TRABD2A: variants seen among roughly 807,000 people sequenced by gnomAD.
TRABD2A encodes metalloprotease TIKI1.
A neutral mutation model predicts 45.6 loss-of-function variants in TRABD2A; 43 were observed. The observed-to-expected ratio is 0.94, with a 90% CI of 0.74 to 1.22. TRABD2A has a LOEUF of 1.22. Among genes scored for constraint, TRABD2A ranks in the 50% most tolerant of loss-of-function variants. The pLI, the probability that TRABD2A is intolerant of heterozygous loss-of-function variation, is 0.00. For synonymous variants in TRABD2A, 269 were observed against 265.0 expected (o/e 1.02, Z -0.15); for missense variants, 642 against 652.4 (o/e 0.98, Z 0.17).
In TRABD2A at chr2:84,870,647, T is replaced by C; in HGVS notation, c.247A>G (p.Ile83Val). ...GTGAGATCCAACTCAAAGTACACAA[T>C]GCTGCTCTGCAGGAAAGCCTCCTTA... Reference protein sequence around the residue: ...NSKEAFLQSSIVYFELDLTDP... With the variant: ...NSKEAFLQSSVVYFELDLTDP... Residue 83 changes from isoleucine to valine, a missense_variant, in exon 2 of 7, where the codon ATT becomes GTT. By Grantham distance (29) the Ile-to-Val change is conservative. Transcript: ENST00000409520. The C allele has an allele frequency of 6.2e-7, 1 of 1,611,966 alleles. No homozygotes were observed. Among genetic ancestry groups the C allele is most frequent in the Non-Finnish European group, 8.5e-7 (1 of 1,179,022 alleles).
chr2:84,868,616 A>G (rs1682771318), intron 2 of TRABD2A, among the ~76,000 whole-genome samples: 1 of 152,186 alleles, frequency 6.6e-6, no homozygotes, highest in Admixed American at 6.5e-5. Flanking sequence ...GCATGTATAT[A>G]TATGTAACAA....
Position 84,841,868 on chromosome 2 carries a change from C to A in TRABD2A, c.809G>T (p.Ser270Ile). The change falls in exon 3 of 7, where the codon AGC becomes ATC. Residue 270 changes from serine (S) to isoleucine (I), a missense_variant. By Grantham distance (142) the Ser-to-Ile change is moderately radical. Coordinates refer to ENST00000409520, the MANE Select transcript of TRABD2A (RefSeq NM_001277053.2). ...DLSSVILSHD[S>I]SQVPNFINAT... ...GGGGGAAAGGGTGCTCACCTGGGAG[C>A]TGTCATGGCTGAGGATGACGGAGCT... is the stretch of plus-strand genomic sequence containing the variant. 6.5e-7 allele frequency: 1 copy of A among 1,531,020 alleles called. No homozygotes were observed. The highest frequency in any genetic ancestry group is 8.8e-7 in the Non-Finnish European group (1 of 1,139,874). The allele number at this position is 1,531,020 out of a possible 1,614,324, so 94.8% of individuals were successfully genotyped here. A position where few individuals can be genotyped will look rare whatever the true frequency, so the allele number is the denominator to read the frequency against.
rs1303250475 is a variant in TRABD2A at position 84,840,754 on chromosome 2, A to T, written c.816+1107T>A. 2.6e-5 allele frequency among the ~76,000 whole-genome samples: 4 copies of T among 150,950 alleles called. No individual in the cohort carries two copies. In the East Asian group the frequency reaches 5.8e-4, roughly 22 times the overall value. On this transcript the variant is annotated intron_variant, in intron 3 of 6. Transcript: ENST00000409520. ...CAGGTAAGATTTATCACCACCACCA[A>T]CTCTATTTTTCCTTCTTTAATGTGT... is the stretch of plus-strand genomic sequence containing the variant.
chr2:84,846,563 C>T (rs1325288786), intron 2 of TRABD2A, among the ~76,000 whole-genome samples: 1 of 152,220 alleles, frequency 6.6e-6, no homozygotes, highest in African/African-American at 2.4e-5. Flanking sequence ...AAACACCAAA[C>T]ACAGTGGTCG....
chr2:84,833,151 T>C (rs746838442), intron 4 of TRABD2A: 2 of 152,162 alleles, frequency 1.3e-5, no homozygotes, highest in Non-Finnish European at 2.9e-5. Flanking sequence ...AAAGGGAAGT[T>C]TGGCAAAACC....
intron 2 of TRABD2A, among the ~76,000 whole-genome samples, chr2:84,858,249 C>T (rs921252148): frequency 6.6e-6 from 1 of 152,014 alleles, no homozygotes; most frequent in African/African-American, 2.4e-5. Flanking sequence ...TTTCCCAGCC[C>T]CACACTCTAG....
Position 84,870,786 on chromosome 2 carries a change from C to A in TRABD2A, c.109-1G>T. ...ACAAGAAGGAATTCAGCTCGCTTTG[C>A]TGAAAAGAAAAGAGGTAACATCAAG... On this transcript the variant is annotated splice_acceptor_variant, in intron 1 of 6. Transcript: ENST00000409520. LOFTEE classifies it high-confidence loss of function. 1 of 1,567,408 alleles carries A rather than the reference C, an allele frequency of 6.4e-7. No individual in the cohort carries two copies.
intron 2 of TRABD2A, among the ~76,000 whole-genome samples, chr2:84,847,167 T>C (rs921984010): frequency 1.3e-5 from 2 of 152,296 alleles, no homozygotes; most frequent in African/African-American, 4.8e-5. Flanking sequence ...GAAATCTCCA[T>C]GGGCACCACA....
intron 2 of TRABD2A, among the ~76,000 whole-genome samples, chr2:84,847,783 G>C (rs1448821469): frequency 6.6e-6 from 1 of 152,200 alleles, no homozygotes; most frequent in East Asian, 1.9e-4. Flanking sequence ...AAATTGAGTA[G>C]CTTAAACAAC....
chr2:84,869,528 G>A (rs1682799075), intron 2 of TRABD2A, among the ~76,000 whole-genome samples: 1 of 152,218 alleles, frequency 6.6e-6, no homozygotes, highest in East Asian at 1.9e-4. Context: ...AAGAGGGACA[G>A]TAGTGACCTC....
chr2:84,821,747 G>A lies in TRABD2A; in HGVS notation c.*170C>T, dbSNP rs1681004762. On this transcript the variant is annotated 3_prime_UTR_variant, in exon 7 of 7. Transcript: ENST00000409520. Reference sequence around the variant, plus strand: ...AACTGTACACCTGCCCCCAAAGTTGGATAACCCAAAGTCACATTCCTTGGA... The same window carrying A: ...AACTGTACACCTGCCCCCAAAGTTGAATAACCCAAAGTCACATTCCTTGGA... 1 of 592,946 alleles carries A rather than the reference G, an allele frequency of 1.7e-6. No homozygotes were observed. 36.7% of individuals were successfully genotyped at this position (592,946 alleles called of 1,614,324 possible).
rs1298806357 is a variant in TRABD2A at position 84,821,850 on chromosome 2, G to A, written c.*67C>T. 1 of 1,429,440 alleles carries A rather than the reference G, an allele frequency of 7.0e-7. No individual in the cohort carries two copies. Among genetic ancestry groups the A allele is most frequent in the East Asian group, 2.6e-5 (1 of 38,838 alleles). 88.5% of individuals were successfully genotyped at this position (1,429,440 alleles called of 1,614,324 possible). A position where few individuals can be genotyped will look rare whatever the true frequency, so the allele number is the denominator to read the frequency against. On this transcript the variant is annotated 3_prime_UTR_variant, in exon 7 of 7. Coordinates refer to ENST00000409520, the MANE Select transcript of TRABD2A (RefSeq NM_001277053.2). Reference sequence around the variant, plus strand: ...GGGCCCAACAAGGCTAGACCAGAATGTGGAGTACAGGAATGGCCATTCTTC... The same window carrying A: ...GGGCCCAACAAGGCTAGACCAGAATATGGAGTACAGGAATGGCCATTCTTC...
intron 1 of TRABD2A, among the ~76,000 whole-genome samples, chr2:84,876,912 T>C (rs1683041355): frequency 6.6e-6 from 1 of 152,238 alleles, no homozygotes. Flanking sequence ...TCTGCTTTTT[T>C]ATGCCAAGGG....
chr2:84,865,500 C>A (rs1559096614), intron 2 of TRABD2A, among the ~76,000 whole-genome samples: 1 of 152,240 alleles, frequency 6.6e-6, no homozygotes, highest in Non-Finnish European at 1.5e-5. Context: ...AAGATGCAGG[C>A]TTTGCATGTG....
At chr2:84,868,524 G>GTTAACTAATAATAATTAA (rs1559097637) in intron 2 of TRABD2A, among the ~76,000 whole-genome samples, 1 of 151,690 alleles carries the variant, frequency 6.6e-6, no homozygotes, top group African/African-American at 2.4e-5. Context: ...TAGTTAATTA[G>GTTAACTAATAATAATTAA]TTAACTAGTT....
At chr2:84,849,066 G>C (rs1439736677) in intron 2 of TRABD2A, among the ~76,000 whole-genome samples, 2 of 151,176 alleles carry the variant, frequency 1.3e-5, no homozygotes, top group African/African-American at 4.9e-5. Flanking sequence ...ACAAAATCAA[G>C]GTTCCCTGCA....
At chr2:84,844,225 C>T (rs545589254) in intron 2 of TRABD2A, among the ~76,000 whole-genome samples, 3 of 152,204 alleles carry the variant, frequency 2.0e-5, no homozygotes, top group South Asian at 4.2e-4. Context: ...CCTAGAATTC[C>T]CACGTGTTGT....
intron 6 of TRABD2A, among the ~76,000 whole-genome samples, chr2:84,823,206 AAC>A (rs977021137): frequency 3.3e-5 from 5 of 151,904 alleles, no homozygotes; most frequent in African/African-American, 7.3e-5. Context: ...AGTAACCTCC[AAC>A]ACACACACAC....
chr2:84,872,150 A>G (rs1682887268), intron 1 of TRABD2A, among the ~76,000 whole-genome samples: 2 of 152,344 alleles, frequency 1.3e-5, no homozygotes, highest in African/African-American at 2.4e-5. Context: ...AATGGCAGAC[A>G]TACCAGTGAC....
Sources: allele counts gnomAD v4.1 joint callset (sites outside exome capture counted in the v4.1 genomes callset), GRCh38; gene constraint gnomAD v4.1.1; transcripts MANE v1.5; gene names NCBI Gene and HGNC (gene_info 2026-07-23, HGNC 2026-07-21).